Variants in KITLG observed in about 807,000 individuals in gnomAD.
The protein encoded by KITLG is c-Kit ligand.
Under a neutral mutation model 34.1 loss-of-function variants are expected in KITLG, and 13 were observed. The observed-to-expected ratio is 0.38, with a 90% CI of 0.25 to 0.61. The LOEUF (loss-of-function observed/expected upper bound fraction) is 0.61. Among genes scored for constraint, KITLG ranks in the 20% least tolerant of loss-of-function variants. KITLG has a pLI of 0.60. For synonymous variants in KITLG, 110 were observed against 104.0 expected, an observed-to-expected ratio of 1.06 and a Z score of -0.35; for missense variants, 292 against 318.9, an observed-to-expected ratio of 0.92 and a Z score of 0.64.
Position 88,504,470 on chromosome 12 carries a change from C to A in KITLG, c.*37+689G>T, listed in dbSNP as rs113521893. 1.0e-2 allele frequency among the ~76,000 whole-genome samples: 1,517 copies of A among 152,236 alleles called. 35 individuals are homozygous for A. The highest frequency in any genetic ancestry group is 0.034 in the African/African-American group (1,430 of 41,520). ...GGGCGAAGGATATGAACAGACACTTCTCAAAAGAAGATATTTATGCAGCCA... is the reference window on the plus strand; with the variant it reads ...GGGCGAAGGATATGAACAGACACTTATCAAAAGAAGATATTTATGCAGCCA... On this transcript the variant is annotated intron_variant, in intron 9 of 9. Transcript: ENST00000644744.
chr12:88,506,430 T>C, intron 7 of KITLG, 52 bp from the exon 8 acceptor site: 1 of 1,295,644 alleles, frequency 7.7e-7, no homozygotes, highest in Non-Finnish European at 1.1e-6. Context: ...AATGGTCTAA[T>C]ATTTAAGAGG....
intron 1 of KITLG, chr12:88,580,056 T>A: frequency 1.6e-6 from 1 of 615,482 alleles, no homozygotes; most frequent in Non-Finnish European, 2.9e-6. Context: ...TGGCTCCCTC[T>A]CAGCACTCCC....
chr12:88,515,453 A>C (rs1592841880), intron 6 of KITLG, 81 bp downstream of exon 6: 12 of 830,670 alleles, frequency 1.4e-5, no homozygotes, highest in Admixed American at 5.4e-5. Flanking sequence ...TAAATGTAGA[A>C]GTTTCCTTGA....
At chr12:88,536,529 T>C (rs1336594564) in intron 2 of KITLG, among the ~76,000 whole-genome samples, 1 of 152,152 alleles carries the variant, frequency 6.6e-6, no homozygotes, top group Non-Finnish European at 1.5e-5. Context: ...TAAAGACACA[T>C]TCACACGTAT....
Position 88,518,708 on chromosome 12 carries a change from T to C in KITLG, c.352A>G (p.Asn118Asp). ...VDDLVECVKE[N>D]SSKDLKKSFK... The stretch of plus-strand genomic sequence containing the variant: ...GAACACAAAGTTACCTTAGATGAGT[T>C]TTCTTTCACGCACTCCACAAGGTCA... The change falls in exon 4 of 10, where the codon AAC (asparagine) becomes GAC (aspartate). Residue 118 changes from asparagine (N) to aspartate (D), a missense_variant. By Grantham distance (23) the Asn-to-Asp change is conservative. Around this residue, in one of 2 missense-constraint regions of KITLG, gnomAD observed 152 missense variants for 207.9 expected, o/e 0.73. Transcript: ENST00000644744. 3 of 1,612,910 alleles carry C rather than the reference T, an allele frequency of 1.9e-6. No homozygotes were observed. Among genetic ancestry groups the C allele is most frequent in the South Asian group, 1.1e-5 (1 of 91,052 alleles).
At chr12:88,579,017 TAGAG>T (rs1217364639) in intron 1 of KITLG, among the ~76,000 whole-genome samples, 1 of 152,166 alleles carries the variant, frequency 6.6e-6, no homozygotes, top group African/African-American at 2.4e-5. Flanking sequence ...TCTTTTCTCT[TAGAG>T]AGTGCTCTAG....
intron 3 of KITLG, among the ~76,000 whole-genome samples, chr12:88,519,647 G>T (rs1276183097): frequency 6.6e-6 from 1 of 151,904 alleles, no homozygotes; most frequent in African/African-American, 2.4e-5. Flanking sequence ...TACAGAGACA[G>T]GCTCTCTCTC....
At chr12:88,527,304 A>G (rs995659056) in intron 3 of KITLG, among the ~76,000 whole-genome samples, 2 of 152,212 alleles carry the variant, frequency 1.3e-5, no homozygotes, top group African/African-American at 4.8e-5. Flanking sequence ...CACTCTGTCT[A>G]TTCAGGAAGA....
At chr12:88,525,959 A>G (rs916080873) in intron 3 of KITLG, among the ~76,000 whole-genome samples, 5 of 152,342 alleles carry the variant, frequency 3.3e-5, no homozygotes, top group Non-Finnish European at 7.4e-5. Flanking sequence ...TTAAGCCCCA[A>G]GATATTGCAT....
At chr12:88,528,643 G>A (rs1257529154) in intron 3 of KITLG, among the ~76,000 whole-genome samples, 2 of 152,186 alleles carry the variant, frequency 1.3e-5, no homozygotes, top group African/African-American at 4.8e-5. Flanking sequence ...ACACACTGAA[G>A]TATTTAAGAG....
At chr12:88,556,014 CA>C (rs1436961606) in intron 1 of KITLG, among the ~76,000 whole-genome samples, 2 of 151,808 alleles carry the variant, frequency 1.3e-5, no homozygotes, top group Non-Finnish European at 2.9e-5. Flanking sequence ...ATTTGGGGGA[CA>C]GGGGCATTTG....
intron 3 of KITLG, among the ~76,000 whole-genome samples, chr12:88,532,235 A>G (rs1267404845): frequency 6.6e-6 from 1 of 152,018 alleles, no homozygotes; most frequent in South Asian, 2.1e-4. Context: ...GGTCTAGGAT[A>G]TATGTGCTGA....
intron 9 of KITLG, among the ~76,000 whole-genome samples, chr12:88,502,982 T>C (rs192463730): frequency 5.9e-5 from 9 of 151,924 alleles, no homozygotes; most frequent in African/African-American, 2.2e-4. Flanking sequence ...AAAAGCATGG[T>C]TTCAGCTTGG....
At chr12:88,560,855 C>T (rs762572061) in intron 1 of KITLG, among the ~76,000 whole-genome samples, 12 of 151,602 alleles carry the variant, frequency 7.9e-5, no homozygotes, top group Non-Finnish European at 1.6e-4. Context: ...GTAGTCCCAG[C>T]TACCTGGGGG....
At chr12:88,503,284 G>A (rs1566017638) in intron 9 of KITLG, among the ~76,000 whole-genome samples, 1 of 152,200 alleles carries the variant, frequency 6.6e-6, no homozygotes, top group Non-Finnish European at 1.5e-5. Flanking sequence ...CAGGAGGCAA[G>A]ATAATTTATG....
intron 4 of KITLG, among the ~76,000 whole-genome samples, chr12:88,516,794 G>T (rs969861490): frequency 1.4e-5 from 2 of 139,260 alleles, no homozygotes; most frequent in South Asian, 2.6e-4. Flanking sequence ...AAACATGAGG[G>T]TTTATTTTTA....
At chr12:88,543,103 A>C (rs2120905758) in intron 2 of KITLG, among the ~76,000 whole-genome samples, 1 of 152,072 alleles carries the variant, frequency 6.6e-6, no homozygotes, top group Admixed American at 6.6e-5. Context: ...AGTCCCAGGC[A>C]CCTGTAATTT....
chr12:88,544,607 T>C (rs1192797932), intron 2 of KITLG, among the ~76,000 whole-genome samples: 2 of 152,092 alleles, frequency 1.3e-5, no homozygotes, highest in Non-Finnish European at 2.9e-5. Context: ...TGCTCACAGT[T>C]CCCTCAAGTA....
At chr12:88,566,687 C>T (rs1277305982) in intron 1 of KITLG, among the ~76,000 whole-genome samples, 2 of 152,136 alleles carry the variant, frequency 1.3e-5, no homozygotes, top group Admixed American at 1.3e-4. Flanking sequence ...TGGAGATAAG[C>T]AACAGCCAAA....
Sources: allele counts gnomAD v4.1 joint callset (sites outside exome capture counted in the v4.1 genomes callset), GRCh38; gene constraint gnomAD v4.1.1; regional missense constraint gnomAD v4.1.1; transcripts MANE v1.5; gene names NCBI Gene and HGNC (gene_info 2026-07-23, HGNC 2026-07-21).